The following HTR2B variants were observed in gnomAD, a reference collection of about 807,000 sequenced individuals.
The protein encoded by HTR2B is 5-hydroxytryptamine receptor 2B.
Under a neutral mutation model 39.8 loss-of-function variants are expected in HTR2B, and 31 were observed. The observed-to-expected ratio is 0.78, with a 90% confidence interval of 0.58 to 1.05. The LOEUF is 1.05. Ranked by LOEUF, HTR2B falls within the 50% of genes least tolerant of loss-of-function variation. The pLI is 0.00. For synonymous variants in HTR2B, 210 were observed against 207.1 expected (o/e 1.01, Z -0.12); for missense variants, 562 against 578.0 (o/e 0.97, Z 0.28).
Position 231,108,425 on chromosome 2 carries a change from C to A in HTR2B, c.*92G>T. ...GTTAAAGAGATGATTTGATATATGACATAAAATTCTTTATATAATATATTC... is the reference window on the plus strand; with the variant it reads ...GTTAAAGAGATGATTTGATATATGAAATAAAATTCTTTATATAATATATTC... On this transcript the variant is annotated 3_prime_UTR_variant, in exon 4 of 4. Coordinates refer to ENST00000258400, the MANE Select transcript of HTR2B (RefSeq NM_000867.5). 1 of 874,168 alleles carries A rather than the reference C, an allele frequency of 1.1e-6. No homozygotes were observed. Among genetic ancestry groups the A allele is most frequent in the Non-Finnish European group, 1.8e-6 (1 of 549,874 alleles). The allele number at this position is 874,168 out of a possible 1,614,324, so 54.2% of individuals were successfully genotyped here.
In HTR2B at chr2:231,109,229, T is replaced by A; in HGVS notation, c.734A>T (p.Gln245Leu). The part of the protein sequence containing the change: ...VTYFLTIHAL[Q>L]KKAYLVKNKP... ...GTTTTTGACTAAGTAAGCCTTCTTCTGTAAAGCATGGATAGTGAGAAAGTA... is the reference window on the plus strand; with the variant it reads ...GTTTTTGACTAAGTAAGCCTTCTTCAGTAAAGCATGGATAGTGAGAAAGTA... Residue 245 changes from glutamine (Q) to leucine (L), a missense_variant, in exon 4 of 4, where the codon CAG becomes CTG. Physicochemically the swap from Gln to Leu is moderately radical, Grantham distance 113 (BLOSUM62 -2). Coordinates refer to ENST00000258400, the MANE Select transcript of HTR2B (RefSeq NM_000867.5). 2 of 1,614,164 alleles carry A rather than the reference T, an allele frequency of 1.2e-6. No homozygotes were observed. Among genetic ancestry groups the A allele is most frequent in the Non-Finnish European group, 1.7e-6 (2 of 1,180,016 alleles).
chr2:231,117,224 T>G (rs1695373041), intron 2 of HTR2B, among the ~76,000 whole-genome samples: 1 of 152,042 alleles, frequency 6.6e-6, no homozygotes, highest in Non-Finnish European at 1.5e-5. Flanking sequence ...TTTTAGGAGT[T>G]TTGGTTTTAA....
At chr2:231,112,395 G>A (rs542476711) in intron 3 of HTR2B, among the ~76,000 whole-genome samples, 1 of 152,300 alleles carries the variant, frequency 6.6e-6, no homozygotes, top group Non-Finnish European at 1.5e-5. Context: ...ATTCTGAATA[G>A]ACTTTTTCTT....
chr2:231,122,358 A>C (rs904937087), intron 2 of HTR2B, among the ~76,000 whole-genome samples: 5 of 152,238 alleles, frequency 3.3e-5, no homozygotes, highest in Admixed American at 2.0e-4. Context: ...AATAGTTGGA[A>C]TAGCAGGGGT....
At chr2:231,115,932 A>C (rs1695316480) in intron 2 of HTR2B, among the ~76,000 whole-genome samples, 1 of 152,132 alleles carries the variant, frequency 6.6e-6, no homozygotes, top group South Asian at 2.1e-4. Context: ...ACATTTGAGA[A>C]GCAGTGCTTT....
intron 2 of HTR2B, among the ~76,000 whole-genome samples, chr2:231,118,250 A>G (rs1695411478): frequency 1.3e-5 from 2 of 152,096 alleles, no homozygotes; most frequent in Non-Finnish European, 2.9e-5. Context: ...GCTTATTACT[A>G]TTGTTTAACA....
At chr2:231,110,121 A>T (rs1293260620) in intron 3 of HTR2B, among the ~76,000 whole-genome samples, 1 of 152,126 alleles carries the variant, frequency 6.6e-6, no homozygotes, top group East Asian at 1.9e-4. Context: ...GGAGTTTGAG[A>T]CAAGCCTGGC....
Position 231,108,262 on chromosome 2 carries a change from CTTTA to C in HTR2B, c.*251_*254del, listed in dbSNP as rs1286757803. 3 of 367,094 alleles carry C rather than the reference CTTTA, an allele frequency of 8.2e-6. No homozygotes were observed. Among genetic ancestry groups the C allele is most frequent in the South Asian group, 4.1e-5 (1 of 24,384 alleles). The allele number at this position is 367,094 out of a possible 1,614,324, so 22.7% of individuals were successfully genotyped here. A position where few individuals can be genotyped will look rare whatever the true frequency, so the allele number is the denominator to read the frequency against. ...TAAAGCCTGAAATTTATTGATTTGA[CTTTA>C]TTTCATTCGAATACCTTAAAATTTA... On this transcript the variant is annotated 3_prime_UTR_variant, in exon 4 of 4. Transcript: ENST00000258400.
Position 231,108,300 on chromosome 2 carries a change from G to A in HTR2B, c.*217C>T. On this transcript the variant is annotated 3_prime_UTR_variant, in exon 4 of 4. Transcript: ENST00000258400. The stretch of plus-strand genomic sequence containing the variant: ...GAATACCTTAAAATTTAACCAGAGT[G>A]CTGGATTGTTTTCATTTGTAGCTAT... 1 of 499,492 alleles carries A rather than the reference G, an allele frequency of 2.0e-6. No individual in the cohort carries two copies. Among genetic ancestry groups the A allele is most frequent in the Non-Finnish European group, 3.5e-6 (1 of 283,008 alleles). 30.9% of individuals were successfully genotyped at this position (499,492 alleles called of 1,614,324 possible).
At position 231,115,475 on chromosome 2, in the gene HTR2B, A is replaced by T. The variant is rs183187746; in HGVS notation, c.353-1546T>A. Among the ~76,000 whole-genome samples the T allele has an allele frequency of 2.1e-3, 326 of 152,290 alleles. 2 individuals are homozygous for T. Among genetic ancestry groups the T allele is most frequent in the Non-Finnish European group, 1.1e-3 (75 of 68,014 alleles). ...AACTTTTACTCAGAAAGAATAAATG[A>T]TTGGGACTTAGTTCTATGTTCAGCA... On this transcript the variant is annotated intron_variant, in intron 2 of 3. Coordinates refer to ENST00000258400, the MANE Select transcript of HTR2B (RefSeq NM_000867.5).
chr2:231,111,548 T>A (rs1246443159), intron 3 of HTR2B, among the ~76,000 whole-genome samples: 1 of 152,248 alleles, frequency 6.6e-6, no homozygotes, highest in Admixed American at 6.5e-5. Flanking sequence ...TTACCTAGAA[T>A]AACTGTAAAT....
In HTR2B at chr2:231,123,610, T is replaced by G. The variant is rs1440770308; in HGVS notation, c.155A>C (p.Asn52Thr). 3.1e-6 allele frequency: 5 copies of G among 1,614,062 alleles called. No individual in the cohort carries two copies. The Admixed American group carries it at 8.3e-5, about 27-fold the overall frequency. The change falls in exon 2 of 4, where the codon AAT becomes ACT. Residue 52 changes from asparagine (N) to threonine (T), a missense_variant. Transcript: ENST00000258400. Reference protein sequence around the residue: ...EMKQIVEEQGNKLHWAALLIL... With the variant: ...EMKQIVEEQGTKLHWAALLIL... Reference sequence around the variant, plus strand: ...CAGAAGAGCTGCCCAGTGCAGTTTATTTCCCTGTTCCTCAACAATCTGTTT... The same window carrying G: ...CAGAAGAGCTGCCCAGTGCAGTTTAGTTCCCTGTTCCTCAACAATCTGTTT...
chr2:231,124,112 G>A lies in HTR2B; in HGVS notation c.-348C>T, dbSNP rs925658907. 1 of 255,808 alleles carries A rather than the reference G, an allele frequency of 3.9e-6. No homozygotes were observed. 15.8% of individuals were successfully genotyped at this position (255,808 alleles called of 1,614,324 possible). Reference sequence around the variant, plus strand: ...TAGTTGTAGAGTCGTGTTTGAACTTGCATGCCAGAGAGTTCCCCCTAGATA... The same window carrying A: ...TAGTTGTAGAGTCGTGTTTGAACTTACATGCCAGAGAGTTCCCCCTAGATA... On this transcript the variant is annotated 5_prime_UTR_variant, in exon 2 of 4. It introduces an in-frame stop codon into an upstream open reading frame of the 5' UTR. Transcript: ENST00000258400.
At chr2:231,116,244 G>A (rs1464371782) in intron 2 of HTR2B, among the ~76,000 whole-genome samples, 1 of 151,998 alleles carries the variant, frequency 6.6e-6, no homozygotes, top group Non-Finnish European at 1.5e-5. Context: ...AGTTTGCAGT[G>A]GAAACTACTA....
At chr2:231,124,859 C>T (rs1373062174) in intron 1 of HTR2B, 113 bp downstream of exon 1, 1 of 151,730 alleles carries the variant, frequency 6.6e-6, no homozygotes, top group East Asian at 1.9e-4. Context: ...GTAAATTTTT[C>T]ATTTTGATTT....
intron 1 of HTR2B, 50 bp downstream of exon 1, chr2:231,124,922 A>G (rs551144782): frequency 6.9e-6 from 1 of 144,316 alleles, no homozygotes; most frequent in East Asian, 2.0e-4. Context: ...CTTGAAGATT[A>G]AAAAAAAAAA....
rs1423174690 is a variant in HTR2B, at chr2:231,109,699, T to C, written c.554-290A>G. On this transcript the variant is annotated intron_variant, in intron 3 of 3. Transcript: ENST00000258400. ...TACAGTGGAGAATGTCTTCATTTAT[T>C]CTACATTTCTCATAATCTATTTTTG... 3.3e-5 allele frequency among the ~76,000 whole-genome samples: 5 copies of C among 152,246 alleles called. No homozygotes were observed. In the East Asian group the frequency reaches 9.6e-4, roughly 29 times the overall value.
In HTR2B at chr2:231,123,412, C is replaced by T. The variant is rs777793162; in HGVS notation, c.352+1G>A. The T allele has an allele frequency of 6.2e-7, 1 of 1,608,690 alleles. No individual in the cohort carries two copies. Among genetic ancestry groups the T allele is most frequent in the East Asian group, 2.2e-5 (1 of 44,840 alleles). ...TGGCACAAACAAAGTGAAATACTTA[C>T]CAAACATTATTGTCAAGAGGGCAAT... On this transcript the variant is annotated splice_donor_variant, in intron 2 of 3. Transcript: ENST00000258400. LOFTEE classifies it high-confidence loss of function.
rs1398622468 is a variant in HTR2B at position 231,109,065 on chromosome 2, T to G, written c.898A>C (p.Thr300Pro). The G allele has an allele frequency of 6.2e-7, 1 of 1,614,244 alleles. No individual in the cohort carries two copies. The highest frequency in any genetic ancestry group is 1.3e-5 in the African/African-American group (1 of 75,072). The change falls in exon 4 of 4, where the codon ACA becomes CCA. Residue 300 changes from threonine to proline, a missense_variant. Physicochemically the swap from Thr to Pro is conservative, Grantham distance 38. Transcript: ENST00000258400. The part of the protein sequence containing the change: ...DKALPNSGDE[T>P]LMRRTSTIGK... ...ATTGTGGATGTTCTTCGCATAAGTGTTTCATCACCTGAGTTGGGCAGAGCC... is the reference window on the plus strand; with the variant it reads ...ATTGTGGATGTTCTTCGCATAAGTGGTTCATCACCTGAGTTGGGCAGAGCC...
Sources: gnomAD v4.1 joint callset for allele counts (sites outside exome capture counted in the v4.1 genomes callset) on GRCh38, gnomAD v4.1.1 for gene constraint, MANE v1.5 for transcripts, NCBI Gene and HGNC (gene_info 2026-07-23, HGNC 2026-07-21) for gene names.